The following PLPPR1 variants were observed in gnomAD, a reference collection of about 807,000 sequenced individuals.
PLPPR1 encodes phospholipid phosphatase-related protein type 1.
In PLPPR1, 10 loss-of-function variants were observed where a neutral mutation model predicts 33.1. The ratio of observed to expected loss-of-function variants is 0.30; its 90% CI spans 0.19 to 0.51. PLPPR1 has a LOEUF of 0.51. Among genes scored for constraint, PLPPR1 ranks in the 20% least tolerant of loss-of-function variants. The pLI is 0.97. For synonymous variants in PLPPR1, 151 were observed against 151.0 expected, an observed-to-expected ratio of 1.00 and a Z score of 0.00; for missense variants, 304 against 408.1, an observed-to-expected ratio of 0.74 and a Z score of 2.20.
chr9:101,281,511 C>T (rs1828303679), intron 3 of PLPPR1, among the ~76,000 whole-genome samples: 2 of 152,060 alleles, frequency 1.3e-5, no homozygotes, highest in African/African-American at 4.8e-5. Context: ...TCAAATCATA[C>T]TACAGAGCTA....
rs531257321 is a variant in PLPPR1, at chr9:101,058,506, A to G, written c.-46+29404A>G. 8.2e-4 allele frequency among the ~76,000 whole-genome samples: 125 copies of G among 152,276 alleles called. No homozygotes were observed. In the South Asian group the frequency reaches 0.024, roughly 30 times the overall value. On this transcript the variant is annotated intron_variant, in intron 1 of 7. Transcript: ENST00000374874. Reference sequence around the variant, plus strand: ...AACCATCCCAGACTAAAGTTACTCAATCCCCCATTGCTAACAGAGGAGATG... The same window carrying G: ...AACCATCCCAGACTAAAGTTACTCAGTCCCCCATTGCTAACAGAGGAGATG...
chr9:101,261,167 A>G (rs1051772771), intron 2 of PLPPR1, among the ~76,000 whole-genome samples: 18 of 152,206 alleles, frequency 1.2e-4, no homozygotes, highest in Non-Finnish European at 4.4e-5. Flanking sequence ...TATACCTCAC[A>G]GAGTAGTGTT....
At chr9:101,302,977 T>G (rs1828780399) in intron 4 of PLPPR1, among the ~76,000 whole-genome samples, 1 of 152,172 alleles carries the variant, frequency 6.6e-6, no homozygotes, top group South Asian at 2.1e-4. Flanking sequence ...AACAGTTTAT[T>G]TTTGTTGTTA....
intron 1 of PLPPR1, among the ~76,000 whole-genome samples, chr9:101,106,159 A>G (rs1019881491): frequency 2.7e-5 from 4 of 150,170 alleles, no homozygotes; most frequent in Non-Finnish European, 5.9e-5. Context: ...TTTAAAGTTA[A>G]TATTGTTATG....
intron 1 of PLPPR1, chr9:101,185,167 A>G (rs1325050818): frequency 1.1e-5 from 3 of 260,916 alleles, no homozygotes; most frequent in East Asian, 7.1e-5. Flanking sequence ...GTAAGGCACT[A>G]TGCAGTACTA....
At chr9:101,289,733 TTG>T (rs1828459462) in intron 4 of PLPPR1, among the ~76,000 whole-genome samples, 1 of 152,240 alleles carries the variant, frequency 6.6e-6, no homozygotes, top group South Asian at 2.1e-4. Context: ...TCTGCCATGA[TTG>T]TGAGGCTTCC....
At chr9:101,085,266 T>A (rs1256970656) in intron 1 of PLPPR1, among the ~76,000 whole-genome samples, 1 of 152,190 alleles carries the variant, frequency 6.6e-6, no homozygotes, top group Admixed American at 6.5e-5. Context: ...TTTCCTGCAA[T>A]TTGGTTGTTC....
intron 7 of PLPPR1, among the ~76,000 whole-genome samples, chr9:101,323,686 A>T (rs1588127030): frequency 6.6e-6 from 1 of 152,096 alleles, no homozygotes; most frequent in Non-Finnish European, 1.5e-5. Context: ...CTAAAACTAC[A>T]AAATTAGCCG....
At chr9:101,045,199 T>TG (rs1340994205) in intron 1 of PLPPR1, among the ~76,000 whole-genome samples, 1 of 152,174 alleles carries the variant, frequency 6.6e-6, no homozygotes, top group Non-Finnish European at 1.5e-5. Context: ...TCTGTAGAGC[T>TG]GGGAGTGGGA....
chr9:101,235,670 C>T (rs544315469), intron 2 of PLPPR1, among the ~76,000 whole-genome samples: 4 of 151,784 alleles, frequency 2.6e-5, no homozygotes, highest in Non-Finnish European at 5.9e-5. Flanking sequence ...GGGTCTAGCT[C>T]TTCTGCTGAT....
At chr9:101,128,521 C>G (rs1465626886) in intron 1 of PLPPR1, among the ~76,000 whole-genome samples, 1 of 152,160 alleles carries the variant, frequency 6.6e-6, no homozygotes, top group Non-Finnish European at 1.5e-5. Context: ...CATGGTAGAC[C>G]TGAACTTTCT....
At chr9:101,141,520 T>A (rs1831450475) in intron 1 of PLPPR1, among the ~76,000 whole-genome samples, 1 of 152,184 alleles carries the variant, frequency 6.6e-6, no homozygotes, top group South Asian at 2.1e-4. Flanking sequence ...TGAACTGAAG[T>A]AAAACTCAAG....
intron 4 of PLPPR1, among the ~76,000 whole-genome samples, chr9:101,304,573 G>T (rs1164017216): frequency 1.3e-5 from 2 of 152,196 alleles, no homozygotes; most frequent in African/African-American, 4.8e-5. Context: ...TACCATACTA[G>T]TCTAAAATAG....
chr9:101,300,234 C>G (rs1460594076), intron 4 of PLPPR1, among the ~76,000 whole-genome samples: 3 of 152,022 alleles, frequency 2.0e-5, no homozygotes, highest in East Asian at 1.9e-4. Context: ...AGTGCAGTAA[C>G]ATGACCACAG....
chr9:101,247,909 A>T (rs2118860597), intron 2 of PLPPR1, among the ~76,000 whole-genome samples: 1 of 152,122 alleles, frequency 6.6e-6, no homozygotes, highest in Middle Eastern at 3.4e-3. Flanking sequence ...AAGTATATCC[A>T]GCTAAGTTTT....
chr9:101,033,292 C>A (rs1829967986), intron 1 of PLPPR1, among the ~76,000 whole-genome samples: 1 of 152,144 alleles, frequency 6.6e-6, no homozygotes, highest in African/African-American at 2.4e-5. Context: ...CGGGTTTGAC[C>A]ATTGGTAGCT....
At chr9:101,101,593 C>T (rs954590526) in intron 1 of PLPPR1, among the ~76,000 whole-genome samples, 1 of 150,778 alleles carries the variant, frequency 6.6e-6, no homozygotes, top group African/African-American at 2.4e-5. Context: ...TTATGAAACA[C>T]TTTATGGAAT....
intron 1 of PLPPR1, chr9:101,185,229 G>T (rs1826185014): frequency 5.2e-6 from 2 of 385,830 alleles, no homozygotes; most frequent in Non-Finnish European, 9.1e-6. Flanking sequence ...TCCTGACCTG[G>T]TCATTTTGGC....
chr9:101,198,068 TTTTA>T (rs1201265068), intron 2 of PLPPR1, among the ~76,000 whole-genome samples: 3 of 149,444 alleles, frequency 2.0e-5, no homozygotes, highest in Admixed American at 6.9e-5. Context: ...TCTGAATTTC[TTTTA>T]TTTTAGATTA....
Sources: gnomAD v4.1 joint callset for allele counts (sites outside exome capture counted in the v4.1 genomes callset) on GRCh38, gnomAD v4.1.1 for gene constraint, MANE v1.5 for transcripts, NCBI Gene and HGNC (gene_info 2026-07-23, HGNC 2026-07-21) for gene names.